NR3C2: variants seen among roughly 807,000 people sequenced by gnomAD.
NR3C2 encodes nuclear receptor subfamily 3 group C member 2.
In NR3C2, 15 loss-of-function variants were observed where a neutral mutation model predicts 86.4. The ratio of observed to expected loss-of-function variants is 0.17; its 90% confidence interval spans 0.12 to 0.27. The LOEUF (loss-of-function observed/expected upper bound fraction) is 0.27, where lower values mean the gene tolerates loss of function less well. NR3C2 is among the 10% of genes least tolerant of loss of function. The pLI, the probability that NR3C2 is intolerant of heterozygous loss-of-function variation, is 1.00. For synonymous variants in NR3C2, 458 were observed against 450.5 expected, an observed-to-expected ratio of 1.02 and a Z score of -0.21; for missense variants, 960 against 1,195.6, an observed-to-expected ratio of 0.80 and a Z score of 2.91.
At position 148,137,125 on chromosome 4, in the gene NR3C2, C is replaced by T. The variant is rs374754032; in HGVS notation, c.2510+15344G>A. Among the ~76,000 whole-genome samples the T allele has an allele frequency of 5.9e-5, 9 of 152,296 alleles. No individual in the cohort carries two copies. In the East Asian group the frequency reaches 1.5e-3, roughly 26 times the overall value. On this transcript the variant is annotated intron_variant, in intron 6 of 8. Coordinates refer to ENST00000358102, the MANE Select transcript of NR3C2 (RefSeq NM_000901.5). The stretch of plus-strand genomic sequence containing the variant: ...CTTTTTTGAACACATTCTAACCACA[C>T]ATTCTCAAAGCTATGAGAATAAGTT...
intron 8 of NR3C2, among the ~76,000 whole-genome samples, chr4:148,090,097 G>C (rs192961762): frequency 6.6e-6 from 1 of 152,192 alleles, no homozygotes; most frequent in South Asian, 2.1e-4. Context: ...GAGGGCCAGC[G>C]TCCTTTATCT....
intron 3 of NR3C2, among the ~76,000 whole-genome samples, chr4:148,216,732 T>G (rs1404284713): frequency 1.3e-5 from 2 of 152,234 alleles, no homozygotes; most frequent in East Asian, 3.8e-4. Flanking sequence ...ACCTACTATA[T>G]GCCCAGATCT....
intron 3 of NR3C2, among the ~76,000 whole-genome samples, chr4:148,243,638 T>C (rs1739171353): frequency 6.6e-6 from 1 of 152,196 alleles, no homozygotes; most frequent in Admixed American, 6.5e-5. Context: ...AATTTCCACA[T>C]AGTGGGTTTT....
rs557062617 is a variant in NR3C2, at chr4:148,266,682, T to G, written c.1758-6565A>C. 1.3e-3 allele frequency among the ~76,000 whole-genome samples: 195 copies of G among 152,316 alleles called. 1 individual carries two copies. Among genetic ancestry groups the G allele is most frequent in the African/African-American group, 4.4e-3 (184 of 41,566 alleles). On this transcript the variant is annotated intron_variant, in intron 2 of 8. Coordinates refer to ENST00000358102, the MANE Select transcript of NR3C2 (RefSeq NM_000901.5). ...GAATGTTTTAAGGAGTCAGGTCACA[T>G]GATCTTATTAACATTTTAAAATCTT...
At chr4:148,228,019 A>G (rs1242746917) in intron 3 of NR3C2, among the ~76,000 whole-genome samples, 1 of 152,146 alleles carries the variant, frequency 6.6e-6, no homozygotes, top group Non-Finnish European at 1.5e-5. Flanking sequence ...GTGTCACTGT[A>G]TCTGGGCCTT....
intron 2 of NR3C2, 102 bp downstream of exon 2, chr4:148,435,002 A>G (rs1309501711): frequency 1.7e-6 from 2 of 1,145,072 alleles, no homozygotes; most frequent in African/African-American, 3.1e-5. Context: ...TCCTTAAAAC[A>G]GTAATCTGAA....
At chr4:148,390,306 T>C (rs9991002) in intron 2 of NR3C2, among the ~76,000 whole-genome samples, 15,797 of 152,086 alleles carry the variant, frequency 0.1, 983 homozygotes, top group Middle Eastern at 0.31. Flanking sequence ...GATGAATGCA[T>C]GAATGTTTGT....
chr4:148,103,194 C>T (rs1484864343), intron 8 of NR3C2, among the ~76,000 whole-genome samples: 1 of 152,240 alleles, frequency 6.6e-6, no homozygotes, highest in Non-Finnish European at 1.5e-5. Flanking sequence ...CTTCTCTACC[C>T]TGCCACTTCC....
chr4:148,248,752 T>C (rs1374783541), intron 3 of NR3C2, among the ~76,000 whole-genome samples: 3 of 152,210 alleles, frequency 2.0e-5, no homozygotes, highest in Admixed American at 6.5e-5. Context: ...TTTTTCCCCT[T>C]CAAATCAAAT....
At chr4:148,088,920 C>CTAAT (rs143611942) in intron 8 of NR3C2, among the ~76,000 whole-genome samples, 4,573 of 152,198 alleles carry the variant, frequency 0.03, 228 homozygotes, top group African/African-American at 0.1. Context: ...AAAATTCACT[C>CTAAT]TAATTTTTCT....
intron 2 of NR3C2, among the ~76,000 whole-genome samples, chr4:148,413,310 A>G (rs1748804132): frequency 1.3e-5 from 2 of 152,142 alleles, no homozygotes; most frequent in African/African-American, 2.4e-5. Context: ...AGTAACTACT[A>G]TGTTTCCAAA....
intron 1 of NR3C2, among the ~76,000 whole-genome samples, chr4:148,441,281 C>T (rs1217798524): frequency 5.3e-5 from 8 of 152,142 alleles, no homozygotes; most frequent in African/African-American, 1.7e-4. Flanking sequence ...TGATAGCTGC[C>T]ACGATGTCAA....
chr4:148,213,412 T>C (rs960306050), intron 3 of NR3C2, among the ~76,000 whole-genome samples: 4 of 152,188 alleles, frequency 2.6e-5, no homozygotes, highest in African/African-American at 9.7e-5. Flanking sequence ...GGTGAGAAAC[T>C]GACCCCCAAT....
At chr4:148,118,125 T>C (rs1379228720) in intron 7 of NR3C2, among the ~76,000 whole-genome samples, 1 of 152,200 alleles carries the variant, frequency 6.6e-6, no homozygotes, top group Non-Finnish European at 1.5e-5. Context: ...GCCTGTGCTG[T>C]TGTCAAGAGT....
At chr4:148,305,673 C>G (rs917285168) in intron 2 of NR3C2, among the ~76,000 whole-genome samples, 1 of 151,988 alleles carries the variant, frequency 6.6e-6, no homozygotes, top group African/African-American at 2.4e-5. Context: ...CCTCTCTGAG[C>G]AAAGCAGTAT....
At chr4:148,252,755 T>C (rs1404853564) in intron 3 of NR3C2, among the ~76,000 whole-genome samples, 2 of 152,198 alleles carry the variant, frequency 1.3e-5, no homozygotes, top group Non-Finnish European at 1.5e-5. Flanking sequence ...ATATATTCTT[T>C]ATATCATCTC....
intron 4 of NR3C2, among the ~76,000 whole-genome samples, chr4:148,190,593 T>C (rs1029260751): frequency 6.6e-6 from 1 of 152,232 alleles, no homozygotes; most frequent in Non-Finnish European, 1.5e-5. Context: ...CTTTGTTGAC[T>C]TTCTGTCTTG....
chr4:148,183,464 C>A (rs909352618), intron 4 of NR3C2, among the ~76,000 whole-genome samples: 1 of 152,168 alleles, frequency 6.6e-6, no homozygotes, highest in African/African-American at 2.4e-5. Flanking sequence ...CCTATTTCTC[C>A]GCATCCTCTC....
intron 3 of NR3C2, among the ~76,000 whole-genome samples, chr4:148,236,421 A>G (rs1044196452): frequency 6.6e-6 from 1 of 152,156 alleles, no homozygotes; most frequent in Admixed American, 6.6e-5. Context: ...TGCTTTTCAT[A>G]TGGGTGAAAA....
Sources: allele counts gnomAD v4.1 joint callset (sites outside exome capture counted in the v4.1 genomes callset), GRCh38; gene constraint gnomAD v4.1.1; transcripts MANE v1.5; gene names NCBI Gene and HGNC (gene_info 2026-07-23, HGNC 2026-07-21).